The following ADI1 variants were observed in gnomAD, a reference collection of about 807,000 sequenced individuals.
ADI1 encodes acireductone dioxygenase.
A neutral mutation model predicts 18.7 loss-of-function variants in ADI1; 21 were observed. The observed-to-expected ratio is 1.13, with a 90% CI of 0.80 to 1.62. The LOEUF is 1.62. Among genes scored for constraint, ADI1 ranks in the 40% most tolerant of loss-of-function variants. The pLI is 0.00. For missense variants in ADI1, 245 were observed against 254.9 expected (o/e 0.96, Z 0.26); for synonymous variants, 90 against 100.1 (o/e 0.90, Z 0.60).
At chr2:3,510,656 A>G (rs7595002) in intron 2 of ADI1, among the ~76,000 whole-genome samples, 29,298 of 152,146 alleles carry the variant, frequency 0.19, 2,925 homozygotes, top group East Asian at 0.23. Context: ...TATTCCAAAT[A>G]TTTTTATGGC....
intron 3 of ADI1, 79 bp from the exon 4 acceptor site, chr2:3,499,161 G>A (rs10194787): frequency 0.18 from 279,386 of 1,528,678 alleles, 34,051 homozygotes; most frequent in African/African-American, 0.62. Flanking sequence ...ATATCAACTT[G>A]TTAACATTAA....
At position 3,519,436 on chromosome 2, in the gene ADI1, G is replaced by T. The variant is rs1667507508; in HGVS notation, c.52C>A (p.His18Asn). The change falls in exon 1 of 4, where the codon CAC (histidine) becomes AAC (asparagine). Residue 18 changes from histidine (H) to asparagine (N), a missense_variant. His to Asn is a moderately conservative substitution (Grantham distance 68, BLOSUM62 1). Transcript: ENST00000327435. ...DDAPGDPRQP[H>N]RPDPGRPVGL... ...ACTGGGCGGCCGGGGTCGGGGCGGT[G>T]GGGTTGCCGCGGGTCGCCCGGGGCG... is the stretch of plus-strand genomic sequence containing the variant. The T allele has an allele frequency of 2.9e-6, 4 of 1,369,114 alleles. No homozygotes were observed. The highest frequency in any genetic ancestry group is 3.7e-6 in the Non-Finnish European group (4 of 1,067,950). 84.8% of individuals were successfully genotyped at this position (1,369,114 alleles called of 1,614,324 possible). A position where few individuals can be genotyped will look rare whatever the true frequency, so the allele number is the denominator to read the frequency against.
intron 2 of ADI1, 40 bp downstream of exon 2, chr2:3,513,817 T>C: frequency 6.4e-7 from 1 of 1,568,980 alleles, no homozygotes; most frequent in Non-Finnish European, 8.6e-7. Flanking sequence ...GTAGTGAATA[T>C]AATGATACTT....
At chr2:3,517,684 T>C (rs1667439880) in intron 1 of ADI1, 1 of 151,864 alleles carries the variant, frequency 6.6e-6, no homozygotes, top group Admixed American at 6.6e-5. Flanking sequence ...GAGAATGGCT[T>C]GAACTCGGGA....
rs1203923106 is a variant in ADI1 at position 3,497,469 on chromosome 2, T to G, written c.*1494A>C. On this transcript the variant is annotated 3_prime_UTR_variant, in exon 4 of 4. Transcript: ENST00000327435. ...AAATGTGATTTCACCTTAAGTGCTT[T>G]AGCAGAATTCTATTATATGCCTCAG... 1 of 152,262 alleles carries G rather than the reference T, an allele frequency of 6.6e-6. No individual in the cohort carries two copies. The highest frequency in any genetic ancestry group is 2.4e-5 in the African/African-American group (1 of 41,476). The allele number at this position is 152,262 out of a possible 1,614,324, so 9.4% of individuals were successfully genotyped here.
intron 2 of ADI1, among the ~76,000 whole-genome samples, chr2:3,505,048 A>G (rs1667146418): frequency 6.6e-6 from 1 of 151,900 alleles, no homozygotes; most frequent in South Asian, 2.1e-4. Flanking sequence ...TGGTTCACCT[A>G]TGTTTGTATT....
Position 3,519,409 on chromosome 2 carries a change from C to A in ADI1, c.79G>T (p.Gly27Cys). Reference sequence around the variant, plus strand: ...CCGAGCCGCCGCAGCTGCTCCAGGCCCACTGGGCGGCCGGGGTCGGGGCGG... The same window carrying A: ...CCGAGCCGCCGCAGCTGCTCCAGGCACACTGGGCGGCCGGGGTCGGGGCGG... ...PHRPDPGRPV[G>C]LEQLRRLGVL... Residue 27 changes from glycine (G) to cysteine (C), a missense_variant, in exon 1 of 4, where the codon GGC becomes TGC. Transcript: ENST00000327435. The A allele has an allele frequency of 7.2e-7, 1 of 1,396,912 alleles. No homozygotes were observed. The highest frequency in any genetic ancestry group is 1.5e-5 in the African/African-American group (1 of 66,116). The allele number at this position is 1,396,912 out of a possible 1,614,324, so 86.5% of individuals were successfully genotyped here.
chr2:3,511,426 C>A (rs1168735712), intron 2 of ADI1, among the ~76,000 whole-genome samples: 3 of 151,942 alleles, frequency 2.0e-5, no homozygotes. Flanking sequence ...CTTTCATTCC[C>A]ACTCCTGTTA....
In ADI1 at chr2:3,497,938, T is replaced by G. The variant is rs1401417888; in HGVS notation, c.*1025A>C. On this transcript the variant is annotated 3_prime_UTR_variant, in exon 4 of 4. Transcript: ENST00000327435. Reference sequence around the variant, plus strand: ...AAAAAATCAGTAGATCAGCACTTATTTTAATTACTGAGATAGAGTCACACT... The same window carrying G: ...AAAAAATCAGTAGATCAGCACTTATGTTAATTACTGAGATAGAGTCACACT... 6.6e-6 allele frequency: 1 copy of G among 152,182 alleles called. No individual in the cohort carries two copies. The highest frequency in any genetic ancestry group is 6.5e-5 in the Admixed American group (1 of 15,274). The allele number at this position is 152,182 out of a possible 1,614,324, so 9.4% of individuals were successfully genotyped here. A position where few individuals can be genotyped will look rare whatever the true frequency, so the allele number is the denominator to read the frequency against.
chr2:3,514,861 G>T, intron 1 of ADI1: 2 of 1,547,958 alleles, frequency 1.3e-6, no homozygotes, highest in South Asian at 1.2e-5. Context: ...TGGAGGGACC[G>T]GCTGGAGCCA....
chr2:3,502,280 C>T (rs1667040894), intron 2 of ADI1, among the ~76,000 whole-genome samples: 1 of 152,196 alleles, frequency 6.6e-6, no homozygotes, highest in African/African-American at 2.4e-5. Flanking sequence ...ATCCTCCTGC[C>T]TTGGCCTCCC....
chr2:3,503,166 C>T (rs1045844573), intron 2 of ADI1, among the ~76,000 whole-genome samples: 1 of 151,916 alleles, frequency 6.6e-6, no homozygotes, highest in Admixed American at 6.6e-5. Context: ...CTCTCACATG[C>T]GTACATTCAC....
chr2:3,503,393 G>A (rs538891452), intron 2 of ADI1, among the ~76,000 whole-genome samples: 3 of 140,276 alleles, frequency 2.1e-5, no homozygotes, highest in Admixed American at 1.4e-4. Flanking sequence ...GTACTCACAC[G>A]CACATTCACA....
chr2:3,500,416 T>A (rs559743199), intron 3 of ADI1, among the ~76,000 whole-genome samples: 62 of 152,366 alleles, frequency 4.1e-4, no homozygotes, highest in South Asian at 1.7e-3. Context: ...TATGGCAACA[T>A]AACAACCCTA....
intron 2 of ADI1, among the ~76,000 whole-genome samples, chr2:3,504,272 C>G (rs989819062): frequency 1.3e-5 from 2 of 152,092 alleles, no homozygotes; most frequent in Non-Finnish European, 2.9e-5. Context: ...ATCACAAGAT[C>G]GTCAGAAAAT....
chr2:3,514,080 AT>A, intron 1 of ADI1, 104 bp from the exon 2 acceptor site: 1 of 1,383,356 alleles, frequency 7.2e-7, no homozygotes, highest in East Asian at 2.4e-5. Flanking sequence ...CAAATTTATC[AT>A]TTGTTATTTT....
Position 3,498,895 on chromosome 2 carries a change from T to C in ADI1, c.*68A>G. The C allele has an allele frequency of 4.6e-6, 7 of 1,535,438 alleles. No homozygotes were observed. Among genetic ancestry groups the C allele is most frequent in the African/African-American group, 1.4e-5 (1 of 72,772 alleles). ...TCCTCTAAAAGCAAAGAGAAAGTGA[T>C]TGATTTTCTGCTCAGTCATTACATT... On this transcript the variant is annotated 3_prime_UTR_variant, in exon 4 of 4. Transcript: ENST00000327435.
chr2:3,498,332 C>T lies in ADI1; in HGVS notation c.*631G>A, dbSNP rs1467297399. 2.0e-5 allele frequency: 3 copies of T among 152,122 alleles called. No homozygotes were observed. Among genetic ancestry groups the T allele is most frequent in the Non-Finnish European group, 4.4e-5 (3 of 68,040 alleles). The allele number at this position is 152,122 out of a possible 1,614,324, so 9.4% of individuals were successfully genotyped here. A position where few individuals can be genotyped will look rare whatever the true frequency, so the allele number is the denominator to read the frequency against. On this transcript the variant is annotated 3_prime_UTR_variant, in exon 4 of 4. Transcript: ENST00000327435. Reference sequence around the variant, plus strand: ...TCACACTGAAAAAATACTAACACAGCTCATATATAAATTACTTATCTATAA... The same window carrying T: ...TCACACTGAAAAAATACTAACACAGTTCATATATAAATTACTTATCTATAA...
At chr2:3,504,607 G>A (rs1178586285) in intron 2 of ADI1, among the ~76,000 whole-genome samples, 1 of 152,176 alleles carries the variant, frequency 6.6e-6, no homozygotes, top group African/African-American at 2.4e-5. Flanking sequence ...ATCTATTTTT[G>A]AACAATTTCC....
Sources: gnomAD v4.1 joint callset for allele counts (sites outside exome capture counted in the v4.1 genomes callset) on GRCh38, gnomAD v4.1.1 for gene constraint, MANE v1.5 for transcripts, NCBI Gene and HGNC (gene_info 2026-07-23, HGNC 2026-07-21) for gene names.